MAOB: variants seen among roughly 807,000 people sequenced by gnomAD.
MAOB encodes the protein monoamine oxidase B.
A neutral mutation model predicts 41.9 loss-of-function variants in MAOB; 15 were observed. The ratio of observed to expected loss-of-function variants is 0.36; its 90% CI spans 0.24 to 0.55. The LOEUF is 0.55. Among genes scored for constraint, MAOB ranks in the 20% least tolerant of loss-of-function variants. The pLI is 0.86. For synonymous variants in MAOB, 167 were observed against 144.2 expected, an observed-to-expected ratio of 1.16 and a Z score of -1.13; for missense variants, 345 against 398.7, an observed-to-expected ratio of 0.87 and a Z score of 1.15.
At chrX:43,786,831 C>A (rs2034406040) in intron 8 of MAOB, among the ~76,000 whole-genome samples, 1 of 110,746 alleles carries the variant, frequency 9.0e-6, no homozygotes, top group Admixed American at 9.7e-5. Context: ...AGTGAGTGCA[C>A]TTAATGGAGG....
intron 3 of MAOB, chrX:43,837,834 T>G: frequency 3.0e-6 from 1 of 329,459 alleles, no homozygotes. Flanking sequence ...CTCCGCCAGT[T>G]CTTCCATGGG....
chrX:43,803,475 G>C (rs1384415274), intron 3 of MAOB, 71 bp from the exon 4 acceptor site: 8 of 1,113,975 alleles, frequency 7.2e-6, no homozygotes, highest in Non-Finnish European at 8.2e-6. Context: ...TGCCAAATTG[G>C]TAAATGTCTG....
chrX:43,845,617 C>T, intron 1 of MAOB, among the ~76,000 whole-genome samples: 1 of 111,972 alleles, frequency 8.9e-6, no homozygotes, highest in Non-Finnish European at 1.9e-5. Context: ...CACTGTCTTC[C>T]CCGGACCCCC....
chrX:43,865,707 C>T (rs1487083217), intron 1 of MAOB, among the ~76,000 whole-genome samples: 2 of 110,428 alleles, frequency 1.8e-5, no homozygotes, highest in Non-Finnish European at 3.8e-5. Flanking sequence ...CGATGTTATA[C>T]CCATATTCCC....
chrX:43,882,226 G>A (rs2035477981), intron 1 of MAOB, 28 bp downstream of exon 1: 19 of 1,206,470 alleles, frequency 1.6e-5, no homozygotes, highest in Non-Finnish European at 2.1e-5. Context: ...CGCGTGAAGA[G>A]GAAGGAGGGC....
intron 1 of MAOB, among the ~76,000 whole-genome samples, chrX:43,874,141 C>A (rs2147182845): frequency 8.9e-6 from 1 of 111,971 alleles, no homozygotes; most frequent in South Asian, 3.7e-4. Context: ...GTCCTTCAAT[C>A]CCAATGATAA....
intron 1 of MAOB, among the ~76,000 whole-genome samples, chrX:43,866,122 G>A (rs2035363810): frequency 9.0e-6 from 1 of 110,628 alleles, no homozygotes; most frequent in South Asian, 3.9e-4. Context: ...TATCCTGGGG[G>A]TAATGGAGGG....
chrX:43,847,375 G>A (rs1309049565), intron 1 of MAOB, among the ~76,000 whole-genome samples: 1 of 111,178 alleles, frequency 9.0e-6, no homozygotes, highest in Non-Finnish European at 1.9e-5. Flanking sequence ...AATGCCCAGA[G>A]TAATAACAGC....
intron 1 of MAOB, among the ~76,000 whole-genome samples, chrX:43,852,652 CAA>C (rs1318203862): frequency 1.8e-5 from 2 of 112,087 alleles, no homozygotes; most frequent in African/African-American, 6.5e-5. Flanking sequence ...TTCAGAGCCC[CAA>C]GTTAATGTAT....
At chrX:43,807,815 C>T (rs991546443) in intron 3 of MAOB, among the ~76,000 whole-genome samples, 5 of 112,260 alleles carry the variant, frequency 4.5e-5, no homozygotes, top group African/African-American at 1.6e-4. Context: ...TGCTGGCACA[C>T]AGTAGGTTCA....
At chrX:43,870,050 C>T (rs1377705657) in intron 1 of MAOB, among the ~76,000 whole-genome samples, 1 of 111,981 alleles carries the variant, frequency 8.9e-6, no homozygotes, top group Non-Finnish European at 1.9e-5. Flanking sequence ...GTGAGAAATC[C>T]TACAGGAAGC....
intron 1 of MAOB, among the ~76,000 whole-genome samples, chrX:43,845,950 A>G (rs965675287): frequency 2.7e-5 from 3 of 112,002 alleles, no homozygotes; most frequent in African/African-American, 9.7e-5. Context: ...CCAGTTGCTG[A>G]TGGGATAACA....
intron 1 of MAOB, among the ~76,000 whole-genome samples, chrX:43,873,971 G>A (rs902855529): frequency 2.7e-5 from 3 of 111,871 alleles, no homozygotes; most frequent in Non-Finnish European, 5.6e-5. Flanking sequence ...CACTGCACCC[G>A]GCCGACAGTT....
In MAOB at chrX:43,854,230, T is replaced by C. The variant is rs754337877; in HGVS notation, c.47-10466A>G. Among the ~76,000 whole-genome samples the C allele has an allele frequency of 5.4e-5, 6 of 112,091 alleles. No individual in the cohort carries two copies. In the East Asian group the frequency reaches 1.7e-3, roughly 32 times the overall value. ...TAAGTAAGCAGTTGGGTGAGCCTCA[T>C]AGTGACAAAGCTTAATAATCTCAGT... On this transcript the variant is annotated intron_variant, in intron 1 of 14. Coordinates refer to ENST00000378069, the MANE Select transcript of MAOB (RefSeq NM_000898.5).
At chrX:43,818,071 A>G (rs888123703) in intron 3 of MAOB, among the ~76,000 whole-genome samples, 1 of 112,200 alleles carries the variant, frequency 8.9e-6, no homozygotes, top group Non-Finnish European at 1.9e-5. Context: ...TAGTGGCCAG[A>G]AGAGATTCAG....
chrX:43,875,302 G>A (rs1158512549), intron 1 of MAOB, among the ~76,000 whole-genome samples: 1 of 111,564 alleles, frequency 9.0e-6, no homozygotes, highest in African/African-American at 3.3e-5. Flanking sequence ...CTCTCTAAAT[G>A]TGCTTTTTCT....
intron 1 of MAOB, among the ~76,000 whole-genome samples, chrX:43,869,957 T>G (rs901569523): frequency 8.9e-6 from 1 of 112,363 alleles, no homozygotes; most frequent in African/African-American, 3.2e-5. Flanking sequence ...GCTTGCTCCC[T>G]CACAACTTCC....
At chrX:43,877,130 T>C (rs965208085) in intron 1 of MAOB, among the ~76,000 whole-genome samples, 2 of 112,429 alleles carry the variant, frequency 1.8e-5, no homozygotes, top group East Asian at 2.8e-4. Context: ...AAGTAAGGCA[T>C]GGGAAGGTTA....
intron 8 of MAOB, 63 bp from the exon 9 acceptor site, chrX:43,781,607 T>C: frequency 1.7e-6 from 1 of 583,984 alleles, no homozygotes; most frequent in African/African-American, 2.3e-5. Context: ...ATTACAGATA[T>C]AATGAAGTGC....
Sources: gnomAD v4.1 joint callset for allele counts (sites outside exome capture counted in the v4.1 genomes callset) on GRCh38, gnomAD v4.1.1 for gene constraint, MANE v1.5 for transcripts, NCBI Gene and HGNC (gene_info 2026-07-23, HGNC 2026-07-21) for gene names.